Variants in MCCC1 observed in about 807,000 individuals in gnomAD.
MCCC1 encodes methylcrotonyl-CoA carboxylase subunit 1.
MCCC1 carries 64 observed loss-of-function variants against 83.8 expected under a neutral mutation model. The ratio of observed to expected loss-of-function variants is 0.76; its 90% CI spans 0.62 to 0.94. The LOEUF (loss-of-function observed/expected upper bound fraction) is 0.94. Ranked by LOEUF, MCCC1 falls within the 40% of genes least tolerant of loss-of-function variation. MCCC1 has a pLI of 0.00. For missense variants in MCCC1, 807 were observed against 904.7 expected, an observed-to-expected ratio of 0.89 and a Z score of 1.39; for synonymous variants, 322 against 315.4, an observed-to-expected ratio of 1.02 and a Z score of -0.22.
Position 183,092,332 on chromosome 3 carries a change from T to A in MCCC1, c.273+77A>T, listed in dbSNP as rs929945292. On this transcript the variant is annotated intron_variant, in intron 3 of 18. Transcript: ENST00000265594. Reference sequence around the variant, plus strand: ...CCTGATAACACTAGCAAATATCAACTGTCATCATAAAGAACGAAAATACTG... The same window carrying A: ...CCTGATAACACTAGCAAATATCAACAGTCATCATAAAGAACGAAAATACTG... The A allele has an allele frequency of 5.7e-6, 9 of 1,582,276 alleles. No individual in the cohort carries two copies. In the Admixed American group the frequency reaches 8.4e-5, roughly 15 times the overall value.
intron 4 of MCCC1, among the ~76,000 whole-genome samples, chr3:183,082,983 AC>A (rs1323128699): frequency 1.3e-5 from 2 of 151,844 alleles, no homozygotes; most frequent in African/African-American, 4.8e-5. Context: ...GAGTGAGACA[AC>A]GTCTTAAAAA....
At chr3:183,091,365 C>T (rs1324405685) in intron 3 of MCCC1, among the ~76,000 whole-genome samples, 6 of 151,706 alleles carry the variant, frequency 4.0e-5, no homozygotes, top group Non-Finnish European at 7.4e-5. Flanking sequence ...GCCAGGAGTT[C>T]GAGACCATTT....
At chr3:183,033,683 GT>G (rs1354244073) in intron 14 of MCCC1, among the ~76,000 whole-genome samples, 1 of 151,954 alleles carries the variant, frequency 6.6e-6, no homozygotes, top group Non-Finnish European at 1.5e-5. Context: ...GGAAAAAGAG[GT>G]TTTTTTGGGC....
intron 17 of MCCC1, 52 bp from the exon 18 acceptor site, chr3:183,017,389 A>C (rs1577230149): frequency 6.4e-7 from 1 of 1,556,418 alleles, no homozygotes; most frequent in East Asian, 2.2e-5. Context: ...GGTCCTAGAT[A>C]TGTTCATCTG....
rs550313698 is a variant in MCCC1 at position 183,092,472 on chromosome 3, T to G, written c.210A>C (p.Lys70Asn). 2 of 1,614,188 alleles carry G rather than the reference T, an allele frequency of 1.2e-6. No homozygotes were observed. The highest frequency in any genetic ancestry group is 1.7e-6 in the Non-Finnish European group (2 of 1,180,018). Residue 70 changes from lysine (K) to asparagine (N), a missense_variant, in exon 3 of 19, where the codon AAA becomes AAC. Transcript: ENST00000265594. The part of the protein sequence containing the change: ...IACRVMRTAK[K>N]LGVQTVAVYS... Reference sequence around the variant, plus strand: ...AAACCGCCACAGTCTGTACACCCAGTTTTTTGGCTGTGCGCATCACCCTGC... The same window carrying G: ...AAACCGCCACAGTCTGTACACCCAGGTTTTTGGCTGTGCGCATCACCCTGC...
Position 183,099,400 on chromosome 3 carries a change from G to A in MCCC1, c.41C>T (p.Ala14Val). ...GAGACGATGCCACCGGTTCCTCTCC[G>A]CCGCCACCAGCAGCACCGACACCGC... Reference protein sequence around the residue: ...ASAVSVLLVAAERNRWHRLPS... With the variant: ...ASAVSVLLVAVERNRWHRLPS... Residue 14 changes from alanine to valine, a missense_variant, in exon 1 of 19, where the codon GCG becomes GTG. Transcript: ENST00000265594. 2 of 1,605,360 alleles carry A rather than the reference G, an allele frequency of 1.2e-6. No homozygotes were observed. Among genetic ancestry groups the A allele is most frequent in the South Asian group, 2.2e-5 (2 of 89,994 alleles).
exon 1 of MCCC1, chr3:183,115,586 C>G (rs1719574960): frequency 6.6e-6 from 1 of 152,262 alleles, no homozygotes; most frequent in Non-Finnish European, 1.5e-5. Context: ...GTGCGGTGGC[C>G]CACGCCCGTA....
At chr3:183,028,928 C>T (rs953476702) in intron 14 of MCCC1, among the ~76,000 whole-genome samples, 3 of 152,224 alleles carry the variant, frequency 2.0e-5, no homozygotes, top group Admixed American at 6.5e-5. Flanking sequence ...GATTACATCT[C>T]ACTGGAGGCT....
intron 7 of MCCC1, among the ~76,000 whole-genome samples, chr3:183,069,336 T>G (rs544251767): frequency 6.6e-6 from 1 of 152,214 alleles, no homozygotes; most frequent in Non-Finnish European, 1.5e-5. Flanking sequence ...ACATAATAAC[T>G]CAAATAAGCT....
chr3:183,094,736 G>T, intron 1 of MCCC1, 131 bp from the exon 2 acceptor site: 11 of 886,768 alleles, frequency 1.2e-5, no homozygotes, highest in Admixed American at 1.2e-4. Flanking sequence ...GACTTTCTTA[G>T]TGGGTAGAAA....
intron 3 of MCCC1, among the ~76,000 whole-genome samples, chr3:183,087,131 A>G (rs867249828): frequency 1.8e-4 from 28 of 152,356 alleles, no homozygotes; most frequent in Admixed American, 3.9e-4. Context: ...CCAAAAATTT[A>G]TATTTGATAA....
chr3:183,052,868 A>G (rs1466441800), intron 8 of MCCC1, among the ~76,000 whole-genome samples: 5 of 151,390 alleles, frequency 3.3e-5, no homozygotes, highest in Admixed American at 2.0e-4. Context: ...ATAATACTTG[A>G]TAATACAACT....
intron 7 of MCCC1, among the ~76,000 whole-genome samples, chr3:183,069,327 CATA>C (rs1384260077): frequency 2.6e-5 from 4 of 152,148 alleles, no homozygotes; most frequent in Non-Finnish European, 4.4e-5. Context: ...CATGGAGTTA[CATA>C]ATAACTCAAA....
chr3:183,107,533 A>T (rs769182984), intron 1 of MCCC1, among the ~76,000 whole-genome samples: 45 of 150,092 alleles, frequency 3.0e-4, no homozygotes, highest in Admixed American at 1.2e-3. Context: ...TATTATTATT[A>T]TTTGTTGTTG....
chr3:183,020,254 A>T lies in MCCC1; in HGVS notation c.1870-17T>A. 1 of 1,577,314 alleles carries T rather than the reference A, an allele frequency of 6.3e-7. No individual in the cohort carries two copies. Among genetic ancestry groups the T allele is most frequent in the East Asian group, 2.2e-5 (1 of 44,684 alleles). On this transcript the variant is annotated splice_polypyrimidine_tract_variant and intron_variant, in intron 16 of 18. Transcript: ENST00000265594. ...ACTTCCTTCCTAGAAACAGAAAACA[A>T]ACTGAAAACCGAATCAACATCCTAT...
intron 1 of MCCC1, among the ~76,000 whole-genome samples, chr3:183,106,529 C>A (rs201776650): frequency 7.1e-6 from 1 of 141,146 alleles, no homozygotes; most frequent in Non-Finnish European, 1.5e-5. Context: ...AACAGAGTCT[C>A]GCTCTGTCGC....
At chr3:183,090,981 C>T in intron 3 of MCCC1, 1 of 456,632 alleles carries the variant, frequency 2.2e-6, no homozygotes, top group Non-Finnish European at 4.4e-6. Flanking sequence ...TCAGCAGATT[C>T]TGTGGCAGGA....
chr3:183,083,110 G>T (rs1288669973), intron 4 of MCCC1, among the ~76,000 whole-genome samples: 3 of 152,092 alleles, frequency 2.0e-5, no homozygotes, highest in Non-Finnish European at 4.4e-5. Context: ...TTCTATAAAA[G>T]TATGTCAAAA....
At chr3:183,047,924 A>G (rs1247611675) in intron 9 of MCCC1, among the ~76,000 whole-genome samples, 3 of 152,262 alleles carry the variant, frequency 2.0e-5, no homozygotes, top group African/African-American at 7.2e-5. Flanking sequence ...TGAAACAATA[A>G]TAACATGTTA....
Sources: gnomAD v4.1 joint callset for allele counts (sites outside exome capture counted in the v4.1 genomes callset) on GRCh38, gnomAD v4.1.1 for gene constraint, MANE v1.5 for transcripts, NCBI Gene and HGNC (gene_info 2026-07-23, HGNC 2026-07-21) for gene names.